Variants in KIF6 observed in about 807,000 individuals in gnomAD.
The protein encoded by KIF6 is kinesin family member 6, also known as kinesin-like protein KIF6.
A neutral mutation model predicts 112.7 loss-of-function variants in KIF6; 106 were observed. The observed-to-expected ratio is 0.94, with a 90% CI of 0.80 to 1.11. The LOEUF is 1.11. Ranked by LOEUF, KIF6 falls within the 50% of genes least tolerant of loss-of-function variation. The pLI, the probability that KIF6 is intolerant of heterozygous loss-of-function variation, is 0.00. For missense variants in KIF6, 929 were observed against 964.0 expected, an observed-to-expected ratio of 0.96 and a Z score of 0.48; for synonymous variants, 339 against 339.9, an observed-to-expected ratio of 1.00 and a Z score of 0.03.
chr6:39,652,395 C>T (rs10456474), intron 3 of KIF6, among the ~76,000 whole-genome samples: 33,962 of 151,796 alleles, frequency 0.22, 4,116 homozygotes, highest in East Asian at 0.4. Flanking sequence ...GGCGTGGTGG[C>T]GTATGCCTGT....
intron 13 of KIF6, among the ~76,000 whole-genome samples, chr6:39,464,589 C>A (rs537261198): frequency 6.6e-6 from 1 of 152,188 alleles, no homozygotes; most frequent in East Asian, 1.9e-4. Context: ...AGAGCAGCCA[C>A]TTGCCTCCTC....
intron 20 of KIF6, among the ~76,000 whole-genome samples, chr6:39,346,132 C>CCTCTCTCTCT (rs779814201): frequency 3.7e-5 from 1 of 26,914 alleles, no homozygotes; most frequent in Non-Finnish European, 7.2e-5. Flanking sequence ...CCTCCCTCTC[C>CCTCTCTCTCT]CTCTCTCTCT....
At position 39,501,909 on chromosome 6, in the gene KIF6, C is replaced by T. The variant is rs113798557; in HGVS notation, c.1645+38094G>A. ...GAATGGAACCAAGTTGGAAAAGACA[C>T]TTCAGGAAATCATCCAGGAGAACTT... On this transcript the variant is annotated intron_variant, in intron 13 of 22. Coordinates refer to ENST00000287152, the MANE Select transcript of KIF6 (RefSeq NM_145027.6). 2.0e-3 allele frequency among the ~76,000 whole-genome samples: 300 copies of T among 152,316 alleles called. 1 individual carries two copies. Among genetic ancestry groups the T allele is most frequent in the African/African-American group, 7.0e-3 (291 of 41,566 alleles).
chr6:39,566,203 T>C (rs1303460470), intron 10 of KIF6, among the ~76,000 whole-genome samples: 1 of 152,244 alleles, frequency 6.6e-6, no homozygotes, highest in Non-Finnish European at 1.5e-5. Flanking sequence ...TTCTTTTTCC[T>C]GTCTGTCTGT....
At chr6:39,447,259 C>G (rs1175864521) in intron 13 of KIF6, among the ~76,000 whole-genome samples, 1 of 152,162 alleles carries the variant, frequency 6.6e-6, no homozygotes, top group Non-Finnish European at 1.5e-5. Context: ...ACCACCATGT[C>G]TTCCAGTGGA....
intron 6 of KIF6, among the ~76,000 whole-genome samples, chr6:39,606,317 A>G (rs1169472270): frequency 6.6e-6 from 1 of 152,084 alleles, no homozygotes; most frequent in East Asian, 1.9e-4. Context: ...TTTTTAAAAA[A>G]CAAAGATTGT....
At chr6:39,538,506 A>C (rs1321634835) in intron 13 of KIF6, among the ~76,000 whole-genome samples, 1 of 152,100 alleles carries the variant, frequency 6.6e-6, no homozygotes. Flanking sequence ...GCAAATCAAA[A>C]CCACAATGAG....
intron 4 of KIF6, among the ~76,000 whole-genome samples, chr6:39,638,035 T>C (rs1005709898): frequency 1.3e-5 from 2 of 152,038 alleles, no homozygotes; most frequent in African/African-American, 2.4e-5. Flanking sequence ...ATATTTTCCT[T>C]TGGGAGAGGA....
At chr6:39,470,085 T>C (rs1171029277) in intron 13 of KIF6, among the ~76,000 whole-genome samples, 1 of 152,012 alleles carries the variant, frequency 6.6e-6, no homozygotes, top group Non-Finnish European at 1.5e-5. Context: ...TATAAAAGGA[T>C]CAAGATCATA....
At chr6:39,621,630 A>C (rs1209776077) in intron 5 of KIF6, among the ~76,000 whole-genome samples, 1 of 152,204 alleles carries the variant, frequency 6.6e-6, no homozygotes, top group Non-Finnish European at 1.5e-5. Context: ...AATACATTGG[A>C]TGAATGAACA....
chr6:39,535,236 C>A (rs1278558277), intron 13 of KIF6, among the ~76,000 whole-genome samples: 1 of 152,168 alleles, frequency 6.6e-6, no homozygotes, highest in Non-Finnish European at 1.5e-5. Context: ...TGTAAATGGA[C>A]TAAATGCTCC....
chr6:39,602,835 G>A (rs368224891), intron 6 of KIF6, among the ~76,000 whole-genome samples: 5 of 152,142 alleles, frequency 3.3e-5, no homozygotes, highest in East Asian at 1.9e-4. Context: ...TATCACTCAA[G>A]TATACCCTTT....
chr6:39,344,769 C>T (rs899020029), intron 21 of KIF6, among the ~76,000 whole-genome samples: 4 of 152,218 alleles, frequency 2.6e-5, no homozygotes, highest in East Asian at 1.9e-4. Context: ...TCATTCCCCA[C>T]GTGGCTTAGC....
intron 6 of KIF6, among the ~76,000 whole-genome samples, chr6:39,609,828 G>A (rs1783118632): frequency 6.6e-6 from 1 of 152,126 alleles, no homozygotes; most frequent in Non-Finnish European, 1.5e-5. Flanking sequence ...AATTTAGCCT[G>A]AGCACATTTA....
intron 15 of KIF6, 84 bp from the exon 16 acceptor site, chr6:39,385,756 G>GAAAAAA: frequency 4.0e-6 from 2 of 501,262 alleles, no homozygotes; most frequent in Non-Finnish European, 7.0e-6. Flanking sequence ...GCAAGCTACA[G>GAAAAAA]AAAAAAAAAA....
chr6:39,599,718 A>G (rs968566199), intron 6 of KIF6, among the ~76,000 whole-genome samples: 5 of 152,220 alleles, frequency 3.3e-5, no homozygotes. Context: ...AATAAATCCT[A>G]CAATACTGTA....
chr6:39,379,697 T>C (rs182311006), intron 16 of KIF6, among the ~76,000 whole-genome samples: 1 of 151,998 alleles, frequency 6.6e-6, no homozygotes, highest in East Asian at 1.9e-4. Flanking sequence ...AAAAAAGGAG[T>C]TGTCTTTTTA....
intron 3 of KIF6, among the ~76,000 whole-genome samples, chr6:39,697,180 T>C (rs566425281): frequency 1.3e-5 from 2 of 152,306 alleles, no homozygotes; most frequent in South Asian, 4.1e-4. Flanking sequence ...AACCTCTCCC[T>C]ATTTCCAAAT....
At chr6:39,374,332 C>A (rs989817690) in intron 16 of KIF6, among the ~76,000 whole-genome samples, 4 of 152,160 alleles carry the variant, frequency 2.6e-5, no homozygotes, top group African/African-American at 9.7e-5. Context: ...GATTTTCTGG[C>A]TGTGACCCTG....
Sources: allele counts gnomAD v4.1 joint callset (sites outside exome capture counted in the v4.1 genomes callset), GRCh38; gene constraint gnomAD v4.1.1; transcripts MANE v1.5; gene names NCBI Gene and HGNC (gene_info 2026-07-23, HGNC 2026-07-21).